Variants in AFTPH observed in about 807,000 individuals in gnomAD.
AFTPH encodes the protein aftiphilin protein.
Under a neutral mutation model 72.5 loss-of-function variants are expected in AFTPH, and 7 were observed. The observed-to-expected ratio is 0.10, with a 90% CI of 0.05 to 0.18. The LOEUF is 0.18. AFTPH is among the 10% of genes least tolerant of loss of function. The pLI is 1.00. For synonymous variants in AFTPH, 337 were observed against 370.1 expected (o/e 0.91, Z 1.03); for missense variants, 979 against 1,060.5 (o/e 0.92, Z 1.07).
chr2:64,550,719 AC>A (rs1309326247), intron 1 of AFTPH, among the ~76,000 whole-genome samples: 2 of 123,476 alleles, frequency 1.6e-5, no homozygotes, highest in African/African-American at 6.0e-5. Flanking sequence ...ACACACACAC[AC>A]ACACACACAC....
intron 6 of AFTPH, among the ~76,000 whole-genome samples, chr2:64,574,773 G>A (rs1488307903): frequency 1.3e-5 from 2 of 152,196 alleles, no homozygotes; most frequent in Non-Finnish European, 1.5e-5. Context: ...GAATGTCTCC[G>A]TAGGTAGAAT....
chr2:64,572,388 T>A (rs1206910828), intron 5 of AFTPH, among the ~76,000 whole-genome samples: 1 of 152,170 alleles, frequency 6.6e-6, no homozygotes, highest in African/African-American at 2.4e-5. Context: ...CACTGAAGGA[T>A]ATAGATGTCA....
chr2:64,525,999 A>G (rs1669239468), intron 1 of AFTPH, among the ~76,000 whole-genome samples: 1 of 152,230 alleles, frequency 6.6e-6, no homozygotes, highest in African/African-American at 2.4e-5. Context: ...TTGATCTTCA[A>G]AGTACACATA....
At chr2:64,545,350 A>T (rs1670512068) in intron 1 of AFTPH, among the ~76,000 whole-genome samples, 1 of 151,618 alleles carries the variant, frequency 6.6e-6, no homozygotes, top group Non-Finnish European at 1.5e-5. Context: ...ATGCCCACAA[A>T]AACCTGTATA....
At position 64,581,276 on chromosome 2, in the gene AFTPH, C is replaced by T; in HGVS notation, c.2455+1730C>T. The stretch of plus-strand genomic sequence containing the variant: ...TAGCAGCAGCACCACAATCCCAGGT[C>T]AGCAGAGTGTTAAAACCACAATTCC... On this transcript the variant is annotated intron_variant, in intron 7 of 8. Transcript: ENST00000238856. 1 of 1,586,500 alleles carries T rather than the reference C, an allele frequency of 6.3e-7. No homozygotes were observed. Among genetic ancestry groups the T allele is most frequent in the Middle Eastern group, 1.7e-4 (1 of 6,032 alleles).
At chr2:64,550,677 GCACACACACACACACACACACACACACA>G (rs56139158) in intron 1 of AFTPH, among the ~76,000 whole-genome samples, 18 of 130,146 alleles carry the variant, frequency 1.4e-4, no homozygotes, top group Non-Finnish European at 1.8e-4. Context: ...CTGTACGCAT[GCACACACACACACACACACACACACACA>G]CACACACACA....
chr2:64,563,798 C>T (rs779183149), intron 2 of AFTPH, among the ~76,000 whole-genome samples: 3 of 151,966 alleles, frequency 2.0e-5, no homozygotes, highest in South Asian at 2.1e-4. Flanking sequence ...AGTAGAGACA[C>T]GGTTTCACAA....
At chr2:64,561,329 A>G (rs1671730470) in intron 2 of AFTPH, among the ~76,000 whole-genome samples, 2 of 152,306 alleles carry the variant, frequency 1.3e-5, no homozygotes, top group South Asian at 2.1e-4. Flanking sequence ...TATTCAAGGG[A>G]AAACCAAGGA....
intron 1 of AFTPH, among the ~76,000 whole-genome samples, chr2:64,545,529 A>G (rs925580219): frequency 7.7e-5 from 11 of 143,376 alleles, no homozygotes; most frequent in Admixed American, 4.3e-4. Flanking sequence ...GTGAACAGTT[A>G]AACAAACTGG....
At position 64,525,485 on chromosome 2, in the gene AFTPH, CAA is replaced by C. The variant is rs1045982415; in HGVS notation, c.-33+876_-33+877del. The C allele has an allele frequency of 2.7e-4, 41 of 154,204 alleles. No homozygotes were observed. The Admixed American group carries it at 2.7e-3, about 10-fold the overall frequency. 9.6% of individuals were successfully genotyped at this position (154,204 alleles called of 1,614,324 possible). On this transcript the variant is annotated intron_variant, in intron 1 of 8. Transcript: ENST00000238856. ...TTTTTTACTGGGCGGGGGGATGAAA[CAA>C]AAGTAATGGTTCCGTTTCAAAGTTC...
chr2:64,548,378 C>T (rs1276540854), intron 1 of AFTPH, among the ~76,000 whole-genome samples: 2 of 113,366 alleles, frequency 1.8e-5, no homozygotes, highest in Non-Finnish European at 3.3e-5. Flanking sequence ...CAGGCCTGGG[C>T]GACAGAGCGA....
chr2:64,565,075 G>A (rs1671984970), intron 2 of AFTPH, among the ~76,000 whole-genome samples: 1 of 151,956 alleles, frequency 6.6e-6, no homozygotes, highest in Non-Finnish European at 1.5e-5. Context: ...CTGAGCTCAA[G>A]CAATCCACCC....
At chr2:64,535,346 G>A (rs1007835265) in intron 1 of AFTPH, among the ~76,000 whole-genome samples, 2 of 152,118 alleles carry the variant, frequency 1.3e-5, no homozygotes, top group Non-Finnish European at 2.9e-5. Context: ...AGAGAAAAAA[G>A]TTAATAGAAA....
chr2:64,584,079 C>CT (rs1673362801), intron 7 of AFTPH, among the ~76,000 whole-genome samples: 1 of 151,972 alleles, frequency 6.6e-6, no homozygotes, highest in Non-Finnish European at 1.5e-5. Context: ...TTCAGAAGCT[C>CT]TAAGACATTC....
intron 8 of AFTPH, among the ~76,000 whole-genome samples, chr2:64,587,807 A>G (rs1286260060): frequency 1.3e-5 from 2 of 152,242 alleles, no homozygotes; most frequent in Non-Finnish European, 2.9e-5. Flanking sequence ...TAGTTTTAAA[A>G]TAGTTCCATC....
At chr2:64,569,811 CT>C in intron 5 of AFTPH, 132 bp downstream of exon 5, 6 of 680,842 alleles carry the variant, frequency 8.8e-6, no homozygotes, top group South Asian at 2.1e-5. Flanking sequence ...ATAAATAGAT[CT>C]TTTTTGATCT....
rs1467433125 is a variant in AFTPH, at chr2:64,552,250, T to C, written c.776T>C (p.Leu259Pro). ...GCAGTTTTAAATGATAGAGAAGCAC[T>C]AACCATTCGGGAAAACAATAAAATT... Residue 259 changes from leucine (L) to proline (P), a missense_variant, in exon 2 of 9, where the codon CTA (leucine) becomes CCA (proline). This residue lies in a region of AFTPH where 498 missense variants were observed against 467.6 expected (regional missense o/e 1.06). Transcript: ENST00000238856. 6.2e-7 allele frequency: 1 copy of C among 1,614,008 alleles called. No individual in the cohort carries two copies. The highest frequency in any genetic ancestry group is 2.2e-5 in the East Asian group (1 of 44,880).
At chr2:64,532,358 C>T (rs1669674837) in intron 1 of AFTPH, among the ~76,000 whole-genome samples, 1 of 152,062 alleles carries the variant, frequency 6.6e-6, no homozygotes, top group African/African-American at 2.4e-5. Flanking sequence ...AAATCTTTAT[C>T]ACAAGAAGAG....
At chr2:64,568,960 AAT>A in intron 3 of AFTPH, 130 bp from the exon 4 acceptor site, 1 of 983,018 alleles carries the variant, frequency 1.0e-6, no homozygotes. Flanking sequence ...ATTTCATTCA[AAT>A]AGTTATACAC....
Sources: allele counts gnomAD v4.1 joint callset (sites outside exome capture counted in the v4.1 genomes callset), GRCh38; gene constraint gnomAD v4.1.1; regional missense constraint gnomAD v4.1.1; transcripts MANE v1.5; gene names NCBI Gene and HGNC (gene_info 2026-07-23, HGNC 2026-07-21).